NTM: variants seen among roughly 807,000 people sequenced by gnomAD.
NTM encodes IgLON family member 2.
A neutral mutation model predicts 42.1 loss-of-function variants in NTM; 13 were observed. The ratio of observed to expected loss-of-function variants is 0.31; its 90% CI spans 0.20 to 0.49. The LOEUF (loss-of-function observed/expected upper bound fraction) is 0.49, where lower values mean the gene tolerates loss of function less well. Among genes scored for constraint, NTM ranks in the 20% least tolerant of loss-of-function variants. The probability of loss-of-function intolerance (pLI) is 0.99; values close to 1 mark genes in which losing one functional copy is unlikely to be tolerated. For synonymous variants in NTM, 187 were observed against 179.2 expected, an observed-to-expected ratio of 1.04 and a Z score of -0.35; for missense variants, 373 against 452.8, an observed-to-expected ratio of 0.82 and a Z score of 1.60.
intron 7 of NTM, among the ~76,000 whole-genome samples, chr11:132,325,350 G>A (rs941272818): frequency 2.6e-4 from 40 of 152,032 alleles, no homozygotes; most frequent in African/African-American, 9.7e-4. Context: ...TCAAAAAGTG[G>A]GCAAAGGACA....
At chr11:131,775,021 A>G (rs2086737726) in intron 1 of NTM, among the ~76,000 whole-genome samples, 1 of 152,208 alleles carries the variant, frequency 6.6e-6, no homozygotes, top group Non-Finnish European at 1.5e-5. Flanking sequence ...TAAGCACTCC[A>G]AAGGTGAATG....
intron 1 of NTM, among the ~76,000 whole-genome samples, chr11:131,731,435 T>C (rs1365792631): frequency 1.3e-5 from 2 of 152,252 alleles, no homozygotes; most frequent in African/African-American, 4.8e-5. Context: ...TATGATGTTA[T>C]TTAATCAGCT....
chr11:132,105,837 C>G (rs755117141), intron 2 of NTM, among the ~76,000 whole-genome samples: 1 of 152,112 alleles, frequency 6.6e-6, no homozygotes, highest in Non-Finnish European at 1.5e-5. Flanking sequence ...TCCGTTTTAA[C>G]CTAAAGATTG....
At chr11:131,476,615 T>C (rs531518930) in intron 1 of NTM, among the ~76,000 whole-genome samples, 1 of 152,282 alleles carries the variant, frequency 6.6e-6, no homozygotes, top group East Asian at 1.9e-4. Context: ...GGGCCAGTTT[T>C]GTAAGACAGC....
At chr11:132,311,482 TC>T (rs2095279059) in intron 6 of NTM, among the ~76,000 whole-genome samples, 1 of 152,278 alleles carries the variant, frequency 6.6e-6, no homozygotes, top group Admixed American at 6.5e-5. Flanking sequence ...GAGCTGGCTT[TC>T]CCCTTCTTCC....
intron 4 of NTM, among the ~76,000 whole-genome samples, chr11:132,276,426 CT>C: frequency 6.6e-6 from 1 of 152,200 alleles, no homozygotes. Flanking sequence ...TAGAGGATTG[CT>C]TGCAAGCTTG....
At chr11:131,516,818 C>G (rs192413149) in intron 1 of NTM, among the ~76,000 whole-genome samples, 183 of 152,338 alleles carry the variant, frequency 1.2e-3, no homozygotes, top group African/African-American at 4.2e-3. Flanking sequence ...CTCTGTCTCT[C>G]TCTGTTTCAC....
intron 2 of NTM, among the ~76,000 whole-genome samples, chr11:132,027,076 A>G (rs2075285038): frequency 6.6e-6 from 1 of 152,238 alleles, no homozygotes; most frequent in African/African-American, 2.4e-5. Context: ...ATTTAGTACA[A>G]GGCTTGAAAA....
At chr11:131,439,896 A>T (rs1949468650) in intron 1 of NTM, among the ~76,000 whole-genome samples, 2 of 149,060 alleles carry the variant, frequency 1.3e-5, no homozygotes, top group Non-Finnish European at 1.5e-5. Flanking sequence ...TGCATTGATT[A>T]CGCTGGGCAC....
In NTM at chr11:131,413,448, C is replaced by T. The variant is rs76628973; in HGVS notation, c.82+42560C>T. Among the ~76,000 whole-genome samples the T allele has an allele frequency of 9.3e-3, 1,410 of 152,290 alleles. 14 individuals are homozygous for T. The highest frequency in any genetic ancestry group is 0.032 in the African/African-American group (1,324 of 41,558). On this transcript the variant is annotated intron_variant, in intron 1 of 8. Coordinates refer to ENST00000683400, the MANE Select transcript of NTM (RefSeq NM_001352005.2). ...TTGCGAACAGTGCTGATCAATGGCA[C>T]GGCCCAACCTTCCAACCCTGAAAGA...
At chr11:131,576,902 G>A (rs2057991277) in intron 1 of NTM, among the ~76,000 whole-genome samples, 1 of 152,166 alleles carries the variant, frequency 6.6e-6, no homozygotes, top group South Asian at 2.1e-4. Context: ...CCAATGATAT[G>A]GTTATTGCAA....
intron 2 of NTM, among the ~76,000 whole-genome samples, chr11:132,045,755 C>T (rs1296133324): frequency 6.6e-6 from 1 of 152,058 alleles, no homozygotes; most frequent in Admixed American, 6.5e-5. Context: ...TCCTTTTTCC[C>T]ACGGCACAGC....
Position 131,862,904 on chromosome 11 carries a change from CT to C in NTM, c.83-48659del, listed in dbSNP as rs1175841114. Among the ~76,000 whole-genome samples the C allele has an allele frequency of 2.6e-5, 4 of 152,312 alleles. No individual in the cohort carries two copies. The East Asian group carries it at 7.7e-4, about 29-fold the overall frequency. On this transcript the variant is annotated intron_variant, in intron 1 of 8. Coordinates refer to ENST00000683400, the MANE Select transcript of NTM (RefSeq NM_001352005.2). ...TATCCTCCATGCCTCACAGATGTTC[CT>C]ATAGGATTTTAGGATTCCAGACTAG...
intron 2 of NTM, among the ~76,000 whole-genome samples, chr11:131,927,303 A>G (rs550026193): frequency 2.8e-4 from 42 of 152,162 alleles, no homozygotes; most frequent in Non-Finnish European, 5.3e-4. Context: ...TGCCTTTGTT[A>G]TTTAAAAAGT....
chr11:131,884,235 C>G (rs749500031), intron 1 of NTM, among the ~76,000 whole-genome samples: 4 of 151,798 alleles, frequency 2.6e-5, no homozygotes, highest in African/African-American at 4.8e-5. Context: ...CATGGAGAAA[C>G]CCTATCTCTA....
chr11:132,307,247 G>A (rs576144058), intron 4 of NTM, among the ~76,000 whole-genome samples: 15 of 152,266 alleles, frequency 9.9e-5, no homozygotes, highest in African/African-American at 3.6e-4. Flanking sequence ...GTAGCTGCTG[G>A]TGTGGCATTT....
intron 1 of NTM, among the ~76,000 whole-genome samples, chr11:131,858,077 A>G (rs1169630339): frequency 6.7e-6 from 1 of 150,276 alleles, no homozygotes; most frequent in East Asian, 2.0e-4. Flanking sequence ...TCTACATTTT[A>G]TCATACTGAG....
At chr11:131,922,979 G>A (rs1209446601) in intron 2 of NTM, among the ~76,000 whole-genome samples, 4 of 151,990 alleles carry the variant, frequency 2.6e-5, no homozygotes, top group African/African-American at 7.3e-5. Context: ...CTTAAGAAAT[G>A]TTCTTCCCTC....
At chr11:131,692,661 A>C (rs1350277884) in intron 1 of NTM, among the ~76,000 whole-genome samples, 1 of 152,220 alleles carries the variant, frequency 6.6e-6, no homozygotes, top group East Asian at 1.9e-4. Flanking sequence ...CTAAGCTTTG[A>C]TGTGGCATCA....
Sources: gnomAD v4.1 joint callset for allele counts (sites outside exome capture counted in the v4.1 genomes callset) on GRCh38, gnomAD v4.1.1 for gene constraint, MANE v1.5 for transcripts, NCBI Gene and HGNC (gene_info 2026-07-23, HGNC 2026-07-21) for gene names.